GPBP1: variants seen among roughly 807,000 people sequenced by gnomAD.
GPBP1 encodes vasculin.
GPBP1 carries 13 observed loss-of-function variants against 56.5 expected under a neutral mutation model. The observed-to-expected ratio is 0.23, with a 90% CI of 0.15 to 0.37. The LOEUF (loss-of-function observed/expected upper bound fraction) is 0.37, where lower values mean the gene tolerates loss of function less well. GPBP1 is among the 10% of genes least tolerant of loss of function. GPBP1 has a pLI of 1.00. For missense variants in GPBP1, 477 were observed against 572.3 expected, an observed-to-expected ratio of 0.83 and a Z score of 1.70; for synonymous variants, 204 against 188.9, an observed-to-expected ratio of 1.08 and a Z score of -0.66.
At chr5:57,240,906 C>T (rs957499441) in intron 6 of GPBP1, among the ~76,000 whole-genome samples, 8 of 151,150 alleles carry the variant, frequency 5.3e-5, no homozygotes, top group East Asian at 1.9e-4. Flanking sequence ...GAGCTGAAAT[C>T]GCGCCATTGC....
intron 2 of GPBP1, among the ~76,000 whole-genome samples, chr5:57,201,104 A>T (rs1053026435): frequency 1.3e-4 from 20 of 152,064 alleles, no homozygotes; most frequent in African/African-American, 4.6e-4. Context: ...GATTACAGGC[A>T]TGAGCCACTG....
At chr5:57,218,751 C>CA (rs1437819415) in intron 3 of GPBP1, among the ~76,000 whole-genome samples, 1 of 152,172 alleles carries the variant, frequency 6.6e-6, no homozygotes, top group East Asian at 1.9e-4. Flanking sequence ...AGGCGTGAGC[C>CA]ACCACGCTCG....
Position 57,211,858 on chromosome 5 carries a change from C to T in GPBP1, c.-57-2216C>T, listed in dbSNP as rs531568065. On this transcript the variant is annotated intron_variant, in intron 2 of 11. Transcript: ENST00000506184. ...AAGTGCTGGGATTACAGGCGTGAGC[C>T]GTCGTGCTCGGCCATTACGTAACTT... 5.3e-5 allele frequency among the ~76,000 whole-genome samples: 8 copies of T among 152,060 alleles called. No individual in the cohort carries two copies. In the East Asian group the frequency reaches 5.8e-4, roughly 11 times the overall value.
intron 2 of GPBP1, among the ~76,000 whole-genome samples, chr5:57,205,014 G>T (rs1755170590): frequency 6.6e-6 from 1 of 152,066 alleles, no homozygotes; most frequent in Admixed American, 6.6e-5. Context: ...TTGGCATTTA[G>T]TACATTCATA....
intron 2 of GPBP1, among the ~76,000 whole-genome samples, chr5:57,206,603 A>G (rs552676348): frequency 1.3e-5 from 2 of 151,958 alleles, no homozygotes; most frequent in Non-Finnish European, 2.9e-5. Context: ...CGGACTCCTG[A>G]CCTCAAGCGA....
intron 3 of GPBP1, among the ~76,000 whole-genome samples, chr5:57,221,138 G>C (rs1755942143): frequency 6.6e-6 from 1 of 152,070 alleles, no homozygotes; most frequent in Non-Finnish European, 1.5e-5. Context: ...CCCATCATGT[G>C]GTAAAAATTT....
intron 11 of GPBP1, among the ~76,000 whole-genome samples, chr5:57,262,295 G>A (rs1267076576): frequency 6.6e-6 from 1 of 152,064 alleles, no homozygotes; most frequent in African/African-American, 2.4e-5. Context: ...ATTTAGGTCA[G>A]AATAATAAAA....
At chr5:57,187,901 A>ATG (rs1754360888) in intron 2 of GPBP1, among the ~76,000 whole-genome samples, 1 of 140,950 alleles carries the variant, frequency 7.1e-6, no homozygotes, top group African/African-American at 2.6e-5. Context: ...ATATATATAT[A>ATG]TGTATAATGT....
chr5:57,250,734 G>A (rs910986111), intron 9 of GPBP1, among the ~76,000 whole-genome samples: 2 of 151,822 alleles, frequency 1.3e-5, no homozygotes, highest in African/African-American at 2.4e-5. Flanking sequence ...TAGTAGAGAT[G>A]GGGTTTCACC....
At chr5:57,207,525 T>A (rs963303015) in intron 2 of GPBP1, among the ~76,000 whole-genome samples, 1 of 152,170 alleles carries the variant, frequency 6.6e-6, no homozygotes, top group African/African-American at 2.4e-5. Flanking sequence ...GAAGCCCCAG[T>A]GGGCATGTGT....
chr5:57,233,137 G>T (rs1756528922), intron 5 of GPBP1, among the ~76,000 whole-genome samples: 2 of 152,224 alleles, frequency 1.3e-5, no homozygotes, highest in South Asian at 4.2e-4. Context: ...AATACTTCAG[G>T]AGAAAATGAT....
At chr5:57,208,655 C>CT (rs70999065) in intron 2 of GPBP1, among the ~76,000 whole-genome samples, 1,616 of 119,024 alleles carry the variant, frequency 0.014, 29 homozygotes, top group Admixed American at 0.033. Flanking sequence ...TTTTGTTTTT[C>CT]TTTTTTTTTT....
chr5:57,201,620 C>T (rs1478230208), intron 2 of GPBP1, among the ~76,000 whole-genome samples: 2 of 152,058 alleles, frequency 1.3e-5, no homozygotes, highest in Admixed American at 6.6e-5. Context: ...CTAGGGTAGC[C>T]GACACCTAAG....
chr5:57,257,806 C>T (rs550367912), intron 10 of GPBP1, among the ~76,000 whole-genome samples: 10 of 151,800 alleles, frequency 6.6e-5, no homozygotes, highest in East Asian at 1.9e-4. Flanking sequence ...AAGGGTTAGA[C>T]GTAAATAAGG....
chr5:57,236,894 C>T, intron 6 of GPBP1: 1 of 515,052 alleles, frequency 1.9e-6, no homozygotes, highest in African/African-American at 1.9e-5. Context: ...GCATACTAGT[C>T]CTAACAGTAA....
At chr5:57,195,691 G>A (rs1164123400) in intron 2 of GPBP1, among the ~76,000 whole-genome samples, 3 of 151,990 alleles carry the variant, frequency 2.0e-5, no homozygotes, top group East Asian at 1.9e-4. Context: ...TTTTATTTGC[G>A]AAATGAATAT....
At chr5:57,259,405 AAAT>A (rs1192177336) in intron 10 of GPBP1, among the ~76,000 whole-genome samples, 1 of 152,234 alleles carries the variant, frequency 6.6e-6, no homozygotes, top group Non-Finnish European at 1.5e-5. Context: ...GAGTAGGTGT[AAAT>A]AAGAGGGGAC....
At chr5:57,253,150 A>G (rs190963013) in intron 10 of GPBP1, among the ~76,000 whole-genome samples, 190 of 152,298 alleles carry the variant, frequency 1.2e-3, no homozygotes, top group Non-Finnish European at 2.0e-3. Context: ...TTGTAGTTAA[A>G]AGCAGGTATT....
intron 2 of GPBP1, among the ~76,000 whole-genome samples, chr5:57,207,430 A>G (rs1294361721): frequency 6.6e-6 from 1 of 151,962 alleles, no homozygotes; most frequent in East Asian, 1.9e-4. Context: ...CCACTGCTCA[A>G]ATCTCTAGGG....
Sources: gnomAD v4.1 joint callset for allele counts (sites outside exome capture counted in the v4.1 genomes callset) on GRCh38, gnomAD v4.1.1 for gene constraint, MANE v1.5 for transcripts, NCBI Gene and HGNC (gene_info 2026-07-23, HGNC 2026-07-21) for gene names.